AGBL3: variants seen among roughly 807,000 people sequenced by gnomAD.
The protein encoded by AGBL3 is AGBL carboxypeptidase 3, also known as cytosolic carboxypeptidase 3.
In AGBL3, 68 loss-of-function variants were observed where a neutral mutation model predicts 94.5. The observed-to-expected ratio is 0.72, with a 90% CI of 0.59 to 0.88. The LOEUF (loss-of-function observed/expected upper bound fraction) is 0.88. AGBL3 is among the 40% of genes least tolerant of loss of function. The probability of loss-of-function intolerance (pLI) is 0.00; values close to 1 mark genes in which losing one functional copy is unlikely to be tolerated. For missense variants in AGBL3, 934 were observed against 1,103.8 expected, an observed-to-expected ratio of 0.85 and a Z score of 2.18; for synonymous variants, 354 against 370.7, an observed-to-expected ratio of 0.95 and a Z score of 0.52.
chr7:135,115,721 TGTCA>T, intron 16 of AGBL3, 110 bp downstream of exon 16: 1 of 878,650 alleles, frequency 1.1e-6, no homozygotes, highest in East Asian at 2.7e-5. Flanking sequence ...TTGAAAATGA[TGTCA>T]GCTCCATCAC....
At chr7:135,077,119 C>T (rs1820525777) in intron 13 of AGBL3, among the ~76,000 whole-genome samples, 1 of 152,186 alleles carries the variant, frequency 6.6e-6, no homozygotes, top group Non-Finnish European at 1.5e-5. Context: ...TCCCTCTCCC[C>T]AGAGCTACCA....
intron 4 of AGBL3, among the ~76,000 whole-genome samples, chr7:135,014,712 A>G (rs1649794549): frequency 6.6e-6 from 1 of 152,182 alleles, no homozygotes; most frequent in Non-Finnish European, 1.5e-5. Context: ...CCTAAGGCCT[A>G]TGGAGAAAGG....
intron 6 of AGBL3, among the ~76,000 whole-genome samples, chr7:135,033,641 G>A (rs1173522349): frequency 6.6e-6 from 1 of 152,142 alleles, no homozygotes; most frequent in African/African-American, 2.4e-5. Context: ...GTAAAGGGAT[G>A]CAAATAGTTA....
intron 16 of AGBL3, among the ~76,000 whole-genome samples, chr7:135,119,339 C>T (rs559285102): frequency 2.0e-5 from 3 of 151,922 alleles, no homozygotes; most frequent in African/African-American, 7.2e-5. Context: ...AAGTGATTCT[C>T]GTGCCTCAGC....
At chr7:135,074,427 G>T (rs745878536) in intron 12 of AGBL3, among the ~76,000 whole-genome samples, 9 of 152,108 alleles carry the variant, frequency 5.9e-5, no homozygotes, top group Non-Finnish European at 1.2e-4. Flanking sequence ...TAAGACAGTT[G>T]CCAGAAGAAG....
At chr7:135,012,285 A>G (rs1813258607) in intron 4 of AGBL3, 1 of 152,180 alleles carries the variant, frequency 6.6e-6, no homozygotes. Context: ...TGGTAAAATT[A>G]TAAAGGAGAG....
At position 135,131,459 on chromosome 7, in the gene AGBL3, T is replaced by TAA. The variant is rs111322207; in HGVS notation, c.2343-3373_2343-3372dup. On this transcript the variant is annotated intron_variant, in intron 16 of 16. Transcript: ENST00000436302. ...TAGAAGAAATAAAGGAAACAAAAAT[T>TAA]AAAAAAAAAATTCTCAAAGGAAGTA... Among the ~76,000 whole-genome samples, 613 of 149,986 alleles carry TAA rather than the reference T, an allele frequency of 4.1e-3. 2 individuals carry two copies. The highest frequency in any genetic ancestry group is 6.2e-3 in the African/African-American group (255 of 40,824).
rs910245156 is a variant in AGBL3 at position 135,045,895 on chromosome 7, T to C, written c.1825T>C (p.Leu609=). The C allele has an allele frequency of 3.9e-6, 6 of 1,547,412 alleles. No individual in the cohort carries two copies. In the African/African-American group the frequency reaches 8.2e-5, roughly 21 times the overall value. The change falls in exon 11 of 17, where the codon TTG becomes CTG. Residue 609 remains leucine (L), a synonymous_variant. Transcript: ENST00000436302. ...AGACACACCTGTGATAGACATTACA[T>C]TGGATGTAGAGTCTAGGTAACTCAA... ...DSDTPVIDIT[L]DVESSSRGSD...
intron 5 of AGBL3, among the ~76,000 whole-genome samples, chr7:135,023,060 TCAAATAATGTTATACCA>T (rs1387459950): frequency 6.6e-6 from 1 of 152,208 alleles, no homozygotes; most frequent in African/African-American, 2.4e-5. Flanking sequence ...AAGACTATCT[TCAAATAATGTTATACCA>T]CTTCACATAT....
intron 5 of AGBL3, among the ~76,000 whole-genome samples, chr7:135,023,534 G>T (rs1235898022): frequency 6.6e-6 from 1 of 152,162 alleles, no homozygotes; most frequent in African/African-American, 2.4e-5. Context: ...TCTGCCTAGA[G>T]AGTAGGCAGA....
At chr7:135,078,084 A>G (rs1820621147) in intron 13 of AGBL3, among the ~76,000 whole-genome samples, 1 of 152,220 alleles carries the variant, frequency 6.6e-6, no homozygotes, top group South Asian at 2.1e-4. Context: ...TCCAGAGAGA[A>G]CTGGAGAAAG....
chr7:135,077,261 G>A (rs1366829633), intron 13 of AGBL3, among the ~76,000 whole-genome samples: 1 of 152,180 alleles, frequency 6.6e-6, no homozygotes, highest in Non-Finnish European at 1.5e-5. Flanking sequence ...ATGAGACAGA[G>A]GCTCTACTTC....
chr7:135,108,401 G>C (rs1825089374), intron 15 of AGBL3, among the ~76,000 whole-genome samples: 1 of 152,138 alleles, frequency 6.6e-6, no homozygotes, highest in African/African-American at 2.4e-5. Context: ...GGTGGGTCTG[G>C]TGGTAATGAA....
In AGBL3 at chr7:135,037,294, A is replaced by G. The variant is rs577230951; in HGVS notation, c.1338-124A>G. 5.8e-4 allele frequency: 425 copies of G among 733,626 alleles called. 1 individual carries two copies. In the African/African-American group the frequency reaches 6.9e-3, roughly 12 times the overall value. 45.4% of individuals were successfully genotyped at this position (733,626 alleles called of 1,614,324 possible). ...TGTATATTAATAATATGCAATATAG[A>G]TAAGAGAAAGCTAGGATATAAGAAA... On this transcript the variant is annotated intron_variant, in intron 7 of 16. Transcript: ENST00000436302.
intron 4 of AGBL3, among the ~76,000 whole-genome samples, chr7:135,004,745 T>C (rs4732079): frequency 0.93 from 140,960 of 151,486 alleles, 66,365 homozygotes; most frequent in Non-Finnish European, 1. Flanking sequence ...GAGATTTTTT[T>C]CCTTTGTCCT....
chr7:135,014,601 G>A (rs1813554892), intron 4 of AGBL3, among the ~76,000 whole-genome samples: 2 of 152,172 alleles, frequency 1.3e-5, no homozygotes, highest in Admixed American at 1.3e-4. Context: ...AGGACCTGAA[G>A]GAGTCTTCTT....
chr7:135,130,797 C>CT (rs899257893), intron 16 of AGBL3, among the ~76,000 whole-genome samples: 8 of 151,980 alleles, frequency 5.3e-5, no homozygotes, highest in African/African-American at 7.2e-5. Flanking sequence ...GCTTCATACT[C>CT]TTTTTTTGCA....
chr7:135,013,607 G>C (rs765088056), intron 4 of AGBL3, among the ~76,000 whole-genome samples: 2 of 152,116 alleles, frequency 1.3e-5, no homozygotes, highest in Non-Finnish European at 2.9e-5. Flanking sequence ...AAGACATTGT[G>C]GTTGACTCAT....
At chr7:135,006,272 C>T (rs965861582) in intron 4 of AGBL3, among the ~76,000 whole-genome samples, 1 of 151,446 alleles carries the variant, frequency 6.6e-6, no homozygotes, top group Admixed American at 6.6e-5. Flanking sequence ...CATCTTTTAC[C>T]CCTCATTGAC....
Sources: gnomAD v4.1 joint callset for allele counts (sites outside exome capture counted in the v4.1 genomes callset) on GRCh38, gnomAD v4.1.1 for gene constraint, MANE v1.5 for transcripts, NCBI Gene and HGNC (gene_info 2026-07-23, HGNC 2026-07-21) for gene names.